The following PCDHGB2 variants were observed in gnomAD, a reference collection of about 807,000 sequenced individuals.
The protein encoded by PCDHGB2 is protocadherin gamma subfamily B, 2.
Under a neutral mutation model 59.3 loss-of-function variants are expected in PCDHGB2, and 55 were observed. That is an observed-to-expected ratio of 0.93 (90% CI 0.75 to 1.16). The LOEUF (loss-of-function observed/expected upper bound fraction) is 1.16, where lower values mean the gene tolerates loss of function less well. PCDHGB2 is among the 50% of genes most tolerant of loss of function. The pLI, the probability that PCDHGB2 is intolerant of heterozygous loss-of-function variation, is 0.00. For missense variants in PCDHGB2, 1,228 were observed against 1,198.5 expected, an observed-to-expected ratio of 1.02 and a Z score of -0.36; for synonymous variants, 516 against 512.0, an observed-to-expected ratio of 1.01 and a Z score of -0.11.
intron 1 of PCDHGB2, among the ~76,000 whole-genome samples, chr5:141,454,209 T>A (rs2098783885): frequency 6.6e-6 from 1 of 152,088 alleles, no homozygotes; most frequent in South Asian, 2.1e-4. Flanking sequence ...TTTATTGACA[T>A]GAATGAGAAA....
intron 1 of PCDHGB2, chr5:141,383,482 G>T (rs908975143): frequency 6.2e-7 from 1 of 1,613,500 alleles, no homozygotes; most frequent in Non-Finnish European, 8.5e-7. Context: ...CCCGGAACTG[G>T]TGCTGGAGCG....
At chr5:141,379,275 A>C (rs1248743398) in intron 1 of PCDHGB2, 3 of 152,194 alleles carry the variant, frequency 2.0e-5, no homozygotes, top group African/African-American at 7.2e-5. Flanking sequence ...TTATAGATTT[A>C]TTTATTTCAA....
rs534356534 is a variant in PCDHGB2 at position 141,432,344 on chromosome 5, C to G, written c.2422-62463C>G. ...CGACTACGAGCAGTTCCGAGACTTG[C>G]AAGTGAAAGTGATGGCGCGGGACAA... is the stretch of plus-strand genomic sequence containing the variant. On this transcript the variant is annotated intron_variant, in intron 1 of 3. Coordinates refer to ENST00000522605, the MANE Select transcript of PCDHGB2 (RefSeq NM_018923.3). This position sits in a 1 kb window ranked among gnomAD's most constrained non-coding sequence, Gnocchi z 6.0. 1.9e-5 allele frequency: 30 copies of G among 1,614,238 alleles called. No individual in the cohort carries two copies. In the East Asian group the frequency reaches 2.5e-4, roughly 13 times the overall value.
chr5:141,385,126 A>G lies in PCDHGB2; in HGVS notation c.2421+22570A>G. The G allele has an allele frequency of 6.2e-7, 1 of 1,614,206 alleles. No individual in the cohort carries two copies. The highest frequency in any genetic ancestry group is 1.1e-5 in the South Asian group (1 of 91,090). On this transcript the variant is annotated intron_variant, in intron 1 of 3. Coordinates refer to ENST00000522605, the MANE Select transcript of PCDHGB2 (RefSeq NM_018923.3). Reference sequence around the variant, plus strand: ...CGTGCCCACCTCGCACTTTGTGGGCATGGACGGGGTGCAGGCTTTCCTGCA... The same window carrying G: ...CGTGCCCACCTCGCACTTTGTGGGCGTGGACGGGGTGCAGGCTTTCCTGCA...
intron 1 of PCDHGB2, chr5:141,393,778 A>G (rs756686929): frequency 1.2e-5 from 20 of 1,613,954 alleles, no homozygotes; most frequent in Non-Finnish European, 1.7e-5. Flanking sequence ...ATACAAGCCG[A>G]AGATGTGGGG....
At chr5:141,401,278 G>A (rs1355696847) in intron 1 of PCDHGB2, among the ~76,000 whole-genome samples, 4 of 152,160 alleles carry the variant, frequency 2.6e-5, no homozygotes, top group African/African-American at 9.7e-5. Context: ...GCAGGTGGAG[G>A]TTGCGGTGAG....
At chr5:141,372,202 G>T (rs765463778) in intron 1 of PCDHGB2, 2 of 1,613,574 alleles carry the variant, frequency 1.2e-6, no homozygotes, top group South Asian at 2.2e-5. Flanking sequence ...TACAACGCCT[G>T]GCTGTCCTAC....
At chr5:141,372,237 G>A in intron 1 of PCDHGB2, 2 of 1,613,294 alleles carry the variant, frequency 1.2e-6, no homozygotes, top group Non-Finnish European at 1.7e-6. Flanking sequence ...CAGCGAGCCC[G>A]GGCTGTTCAG....
intron 1 of PCDHGB2, chr5:141,376,429 G>A (rs1213536945): frequency 1.9e-5 from 31 of 1,614,088 alleles, no homozygotes; most frequent in Non-Finnish European, 2.5e-5. Context: ...TTATCAACCA[G>A]GAGAGCTATG....
At chr5:141,383,365 G>A (rs763555331) in intron 1 of PCDHGB2, 9 of 1,614,014 alleles carry the variant, frequency 5.6e-6, no homozygotes, top group Admixed American at 3.3e-5. Flanking sequence ...TCCGTTAAGC[G>A]AGGCTGGGGA....
chr5:141,451,112 G>A (rs776356458), intron 1 of PCDHGB2, among the ~76,000 whole-genome samples: 9 of 152,236 alleles, frequency 5.9e-5, no homozygotes, highest in Admixed American at 1.3e-4. Flanking sequence ...ACAGGCGTGA[G>A]CCACCACACC....
intron 1 of PCDHGB2, among the ~76,000 whole-genome samples, chr5:141,369,499 T>A (rs1052662878): frequency 5.3e-5 from 8 of 151,958 alleles, no homozygotes; most frequent in Non-Finnish European, 1.2e-4. Context: ...AAACCCCACC[T>A]CTATAGAAAA....
rs550512719 is a variant in PCDHGB2 at position 141,360,636 on chromosome 5, A to T, written c.501A>T (p.Leu167=). Reference sequence around the variant, plus strand: ...ATTCAGATGTTGGTCCTAACTCACTACAAAGATACCACCTTAATGACAACG... The same window carrying T: ...ATTCAGATGTTGGTCCTAACTCACTTCAAAGATACCACCTTAATGACAACG... ...ALDSDVGPNS[L]QRYHLNDNEY... is the part of the protein sequence containing the mutation. Residue 167 remains leucine (L), a synonymous_variant, in exon 1 of 4, where the codon CTA becomes CTT. Coordinates refer to ENST00000522605, the MANE Select transcript of PCDHGB2 (RefSeq NM_018923.3). The T allele has an allele frequency of 1.2e-6, 2 of 1,614,030 alleles. No homozygotes were observed. Among genetic ancestry groups the T allele is most frequent in the East Asian group, 4.5e-5 (2 of 44,888 alleles).
rs73794918 is a variant in PCDHGB2, at chr5:141,443,711, A to G, written c.2422-51096A>G. On this transcript the variant is annotated intron_variant, in intron 1 of 3. Coordinates refer to ENST00000522605, the MANE Select transcript of PCDHGB2 (RefSeq NM_018923.3). ...TCAAAAATTATAGAATAACATTTGC[A>G]TATAAAATTCCTCATACATTTCCCT... 9.8e-3 allele frequency among the ~76,000 whole-genome samples: 1,497 copies of G among 152,340 alleles called. 25 individuals are homozygous for G. Among genetic ancestry groups the G allele is most frequent in the African/African-American group, 0.033 (1,382 of 41,580 alleles).
intron 1 of PCDHGB2, chr5:141,385,269 T>TAACATCCTTAGATGTTAGA (rs771830831): frequency 1.9e-4 from 313 of 1,614,062 alleles, no homozygotes; most frequent in Non-Finnish European, 2.4e-4. Context: ...AAAATGATTC[T>TAACATCCTTAGATGTTAGA]TTGCTAACAT....
At chr5:141,384,287 A>G in intron 1 of PCDHGB2, 1 of 1,613,838 alleles carries the variant, frequency 6.2e-7, no homozygotes, top group South Asian at 1.1e-5. Context: ...TACATCGCTG[A>G]GAACAACCCC....
At chr5:141,417,532 T>TA (rs1457524771) in intron 1 of PCDHGB2, 17 of 284,868 alleles carry the variant, frequency 6.0e-5, no homozygotes, top group Non-Finnish European at 8.4e-5. Context: ...ACTCGTAGTT[T>TA]AAAAAAAATT....
intron 1 of PCDHGB2, among the ~76,000 whole-genome samples, chr5:141,468,824 C>A (rs1288506117): frequency 6.6e-6 from 1 of 152,010 alleles, no homozygotes; most frequent in Non-Finnish European, 1.5e-5. Flanking sequence ...CAAGATCAAG[C>A]CACTGCACTC....
chr5:141,394,607 G>A (rs769750411), intron 1 of PCDHGB2: 17 of 1,613,530 alleles, frequency 1.1e-5, no homozygotes, highest in Non-Finnish European at 1.4e-5. Context: ...ACAGAGACTC[G>A]GGCCAGAACG....
Sources: gnomAD v4.1 joint callset for allele counts (sites outside exome capture counted in the v4.1 genomes callset) on GRCh38, gnomAD v4.1.1 for gene constraint, Gnocchi (gnomAD v3.1) non-coding constraint, MANE v1.5 for transcripts, NCBI Gene and HGNC (gene_info 2026-07-23, HGNC 2026-07-21) for gene names.